Variants in GTF2B observed in about 807,000 individuals in gnomAD.
The protein encoded by GTF2B is general transcription factor IIB.
In GTF2B, 20 loss-of-function variants were observed where a neutral mutation model predicts 34.6. That is an observed-to-expected ratio of 0.58 (90% CI 0.41 to 0.84). The LOEUF is 0.84. Among genes scored for constraint, GTF2B ranks in the 40% least tolerant of loss-of-function variants. The pLI is 0.00. For synonymous variants in GTF2B, 142 were observed against 132.4 expected, an observed-to-expected ratio of 1.07 and a Z score of -0.50; for missense variants, 237 against 393.3, an observed-to-expected ratio of 0.60 and a Z score of 3.36.
chr1:88,887,062 G>A (rs1254398337), intron 2 of GTF2B, among the ~76,000 whole-genome samples, 199 bp downstream of exon 2: 5 of 152,012 alleles, frequency 3.3e-5, no homozygotes, highest in South Asian at 4.1e-4. Flanking sequence ...GGGATTACAG[G>A]TGCCCACCAC....
chr1:88,882,233 C>A (rs1026581863), intron 2 of GTF2B, among the ~76,000 whole-genome samples: 1 of 150,096 alleles, frequency 6.7e-6, no homozygotes, highest in Non-Finnish European at 1.5e-5. Context: ...TCGCTTGAAC[C>A]CCGGAGGCAG....
intron 5 of GTF2B, among the ~76,000 whole-genome samples, chr1:88,857,868 G>A (rs141009406): frequency 0.13 from 19,400 of 151,520 alleles, 3,074 homozygotes; most frequent in African/African-American, 0.38. Flanking sequence ...TTTTAGTAGA[G>A]ATGGGGTTTC....
intron 1 of GTF2B, among the ~76,000 whole-genome samples, chr1:88,889,782 G>A (rs1042366235): frequency 2.0e-5 from 3 of 152,202 alleles, no homozygotes; most frequent in African/African-American, 7.2e-5. Flanking sequence ...ACTTTGGTAG[G>A]CCAAAGCCGG....
At chr1:88,860,104 G>C (rs973526271) in intron 4 of GTF2B, 36 bp downstream of exon 4, 1 of 1,612,258 alleles carries the variant, frequency 6.2e-7, no homozygotes, top group African/African-American at 1.3e-5. Context: ...CAAAGTCAAT[G>C]CCAGAATGGC....
intron 3 of GTF2B, among the ~76,000 whole-genome samples, chr1:88,862,636 C>T (rs1007682810): frequency 6.6e-6 from 1 of 152,060 alleles, no homozygotes; most frequent in Non-Finnish European, 1.5e-5. Context: ...CTGCTGAAGA[C>T]CAGGAGTTCA....
intron 2 of GTF2B, among the ~76,000 whole-genome samples, chr1:88,885,038 G>A (rs1251734367): frequency 6.6e-6 from 1 of 152,208 alleles, no homozygotes; most frequent in Non-Finnish European, 1.5e-5. Flanking sequence ...AGTGATGAGA[G>A]CTGCACATGT....
Position 88,887,266 on chromosome 1 carries a change from A to G in GTF2B, c.119T>C (p.Val40Ala), listed in dbSNP as rs1277912560. ...AAACCATAATAACAACTCACCTACA[A>G]CCAAGCCACATTCAGGACAGATCAT... Reference protein sequence around the residue: ...GDMICPECGLVVGDRVIDVGS... With the variant: ...GDMICPECGLAVGDRVIDVGS... Residue 40 changes from valine to alanine, a missense_variant, in exon 2 of 7, where the codon GTT (valine) becomes GCT (alanine). Val to Ala is a moderately conservative substitution (Grantham distance 64). Coordinates refer to ENST00000370500, the MANE Select transcript of GTF2B (RefSeq NM_001514.6). 2 of 1,594,968 alleles carry G rather than the reference A, an allele frequency of 1.3e-6. No homozygotes were observed. The highest frequency in any genetic ancestry group is 1.7e-6 in the Non-Finnish European group (2 of 1,163,130).
chr1:88,867,075 T>C (rs996479479), intron 2 of GTF2B, among the ~76,000 whole-genome samples: 2 of 152,178 alleles, frequency 1.3e-5, no homozygotes, highest in East Asian at 1.9e-4. Context: ...ACTGAAACCT[T>C]ACCAAACCAC....
chr1:88,863,674 T>G (rs534470840), intron 3 of GTF2B, among the ~76,000 whole-genome samples: 11 of 152,210 alleles, frequency 7.2e-5, no homozygotes, highest in Non-Finnish European at 1.6e-4. Flanking sequence ...TTCTTGATAT[T>G]CAAAGAACAT....
chr1:88,881,676 T>G (rs1328183954), intron 2 of GTF2B, among the ~76,000 whole-genome samples: 2 of 152,190 alleles, frequency 1.3e-5, no homozygotes, highest in African/African-American at 2.4e-5. Context: ...TATTTTAAAA[T>G]AAGTGTTGGT....
chr1:88,858,870 T>G (rs1334942619), intron 5 of GTF2B: 1 of 149,966 alleles, frequency 6.7e-6, no homozygotes, highest in East Asian at 1.9e-4. Flanking sequence ...CTGATAACTT[T>G]TTTTTTTTTT....
At chr1:88,871,614 C>T (rs1673694710) in intron 2 of GTF2B, among the ~76,000 whole-genome samples, 1 of 152,078 alleles carries the variant, frequency 6.6e-6, no homozygotes, top group African/African-American at 2.4e-5. Flanking sequence ...TCAAGGAGAA[C>T]CAAAAACGTT....
chr1:88,856,272 C>CAAAAAA lies in GTF2B; in HGVS notation c.817+928_817+933dup, dbSNP rs377030804. Among the ~76,000 whole-genome samples, 131 of 49,986 alleles carry CAAAAAA rather than the reference C, an allele frequency of 2.6e-3. 8 individuals are homozygous for CAAAAAA. The highest frequency in any genetic ancestry group is 4.8e-3 in the East Asian group (7 of 1,468). 32.8% of individuals were successfully genotyped at this position (49,986 alleles called of 152,430 possible). The stretch of plus-strand genomic sequence containing the variant: ...CAACAGAGGGAGACTGTTTCAAAAA[C>CAAAAAA]AAAAAAAAAAAAAAAAAACAAAAAA... On this transcript the variant is annotated intron_variant, in intron 6 of 6. Coordinates refer to ENST00000370500, the MANE Select transcript of GTF2B (RefSeq NM_001514.6).
At chr1:88,859,751 G>A in intron 5 of GTF2B, 131 bp downstream of exon 5, 1 of 704,492 alleles carries the variant, frequency 1.4e-6, no homozygotes, top group Non-Finnish European at 2.4e-6. Flanking sequence ...CAGGAGTATA[G>A]CTTGAACCTG....
chr1:88,890,191 C>T (rs1323680451), intron 1 of GTF2B, among the ~76,000 whole-genome samples: 1 of 149,778 alleles, frequency 6.7e-6, no homozygotes, highest in East Asian at 1.9e-4. Flanking sequence ...AATTTTAAGT[C>T]GTATTTGAGT....
chr1:88,879,598 A>G (rs1189099464), intron 2 of GTF2B, among the ~76,000 whole-genome samples: 1 of 151,050 alleles, frequency 6.6e-6, no homozygotes, highest in Non-Finnish European at 1.5e-5. Flanking sequence ...AAAAAAAAAA[A>G]AGTAATAGTA....
intron 5 of GTF2B, 21 bp from the exon 6 acceptor site, chr1:88,857,508 TA>T (rs1311613928): frequency 1.5e-6 from 2 of 1,327,030 alleles, no homozygotes; most frequent in Non-Finnish European, 2.1e-6. Context: ...AAAAATTAAA[TA>T]AATCAATTCA....
intron 2 of GTF2B, among the ~76,000 whole-genome samples, chr1:88,883,076 T>C (rs1673984804): frequency 6.6e-6 from 1 of 152,220 alleles, no homozygotes. Context: ...ATAAAGTATA[T>C]AAAAGCAATT....
At chr1:88,858,682 G>T (rs1298769841) in intron 5 of GTF2B, 1 of 152,122 alleles carries the variant, frequency 6.6e-6, no homozygotes, top group African/African-American at 2.4e-5. Flanking sequence ...AATACTCACT[G>T]GATGAATAAA....
Sources: gnomAD v4.1 joint callset for allele counts (sites outside exome capture counted in the v4.1 genomes callset) on GRCh38, gnomAD v4.1.1 for gene constraint, MANE v1.5 for transcripts, NCBI Gene and HGNC (gene_info 2026-07-23, HGNC 2026-07-21) for gene names.